GNL3: variants seen among roughly 807,000 people sequenced by gnomAD.
GNL3 encodes guanine nucleotide-binding protein-like 3.
A neutral mutation model predicts 70.6 loss-of-function variants in GNL3; 77 were observed. The observed-to-expected ratio is 1.09, with a 90% CI of 0.91 to 1.32. The LOEUF is 1.32. Ranked by LOEUF, GNL3 falls within the 40% of genes most tolerant of loss-of-function variation. The probability of loss-of-function intolerance (pLI) is 0.00; values close to 1 mark genes in which losing one functional copy is unlikely to be tolerated. For synonymous variants in GNL3, 252 were observed against 216.1 expected, an observed-to-expected ratio of 1.17 and a Z score of -1.46; for missense variants, 634 against 644.0, an observed-to-expected ratio of 0.98 and a Z score of 0.17.
chr3:52,688,372 AT>A (rs2097324249), intron 5 of GNL3, among the ~76,000 whole-genome samples, 180 bp downstream of exon 5: 1 of 152,276 alleles, frequency 6.6e-6, no homozygotes, highest in Non-Finnish European at 1.5e-5. Context: ...CTAGTACGAC[AT>A]TAGTTATCTT....
At chr3:52,691,301 AC>A in intron 8 of GNL3, 1 of 605,826 alleles carries the variant, frequency 1.7e-6, no homozygotes, top group Non-Finnish European at 2.9e-6. Context: ...GGGACTGATT[AC>A]TGTAGGAAGC....
chr3:52,687,761 A>C, intron 4 of GNL3, 146 bp downstream of exon 4: 1 of 620,390 alleles, frequency 1.6e-6, no homozygotes, highest in Admixed American at 2.9e-5. Flanking sequence ...GTCTCCAAGT[A>C]GCTGGGACTA....
intron 5 of GNL3, 43 bp downstream of exon 5, chr3:52,688,235 T>A: frequency 8.7e-7 from 1 of 1,145,910 alleles, no homozygotes; most frequent in Non-Finnish European, 1.3e-6. Flanking sequence ...TAATGAGGTT[T>A]AAAAGACTCA....
Position 52,693,794 on chromosome 3 carries a change from A to T in GNL3, c.1487A>T (p.Asp496Val). ...AAAGACAGTGACCAGGAAACTGTTG[A>T]TGAAGAAGTTGATGTAAGTGTGTCC... The part of the protein sequence containing the change: ...DDKDSDQETV[D>V]EEVDENSSGM... The change falls in exon 13 of 15, where the codon GAT (aspartate) becomes GTT (valine). Residue 496 changes from aspartate (D) to valine (V), a missense_variant. Transcript: ENST00000418458. 2 of 1,613,420 alleles carry T rather than the reference A, an allele frequency of 1.2e-6. No individual in the cohort carries two copies. The highest frequency in any genetic ancestry group is 1.7e-6 in the Non-Finnish European group (2 of 1,179,414).
In GNL3 at chr3:52,693,808, G is replaced by T. The variant is rs749937727; in HGVS notation, c.1500+1G>T. On this transcript the variant is annotated splice_donor_variant, in intron 13 of 14. Transcript: ENST00000418458. LOFTEE classifies it high-confidence loss of function. ...GGAAACTGTTGATGAAGAAGTTGAT[G>T]TAAGTGTGTCCTCCATGAGTTAAAA... 8 of 1,611,006 alleles carry T rather than the reference G, an allele frequency of 5.0e-6. No individual in the cohort carries two copies. The highest frequency in any genetic ancestry group is 3.3e-5 in the Admixed American group (2 of 60,006).
At position 52,693,169 on chromosome 3, in the gene GNL3, TTTGG is replaced by T; in HGVS notation, c.1045-15_1045-12del. The T allele has an allele frequency of 6.3e-7, 1 of 1,592,852 alleles. No individual in the cohort carries two copies. Among genetic ancestry groups the T allele is most frequent in the Non-Finnish European group, 8.5e-7 (1 of 1,173,640 alleles). ...TGTCAGATGAAGGACAGCTCCTTTG[TTTGG>T]TTTTTTTTTTAAGGTAGTACTGAAA... On this transcript the variant is annotated splice_polypyrimidine_tract_variant and intron_variant, in intron 10 of 14. Transcript: ENST00000418458.
rs1011030919 is a variant in GNL3 at position 52,686,519 on chromosome 3, A to T, written c.14-250A>T. On this transcript the variant is annotated intron_variant, in intron 1 of 14. Transcript: ENST00000418458. ...CGAAGTGGTTGTCGTTTTGTGTCTC[A>T]TACGCTGTTGTGTATGATCCCATTC... The T allele has an allele frequency of 6.9e-6, 4 of 578,792 alleles. No individual in the cohort carries two copies. In the Admixed American group the frequency reaches 1.3e-4, roughly 19 times the overall value. The allele number at this position is 578,792 out of a possible 1,614,324, so 35.9% of individuals were successfully genotyped here. A position where few individuals can be genotyped will look rare whatever the true frequency, so the allele number is the denominator to read the frequency against.
chr3:52,691,492 A>T (rs1279579684), intron 8 of GNL3, 50 bp from the exon 9 acceptor site: 2 of 1,075,358 alleles, frequency 1.9e-6, no homozygotes, highest in South Asian at 2.6e-5. Context: ...AAATTTCATA[A>T]GTGCCAACAT....
chr3:52,689,896 G>A (rs1048374220), intron 6 of GNL3, among the ~76,000 whole-genome samples: 11 of 152,154 alleles, frequency 7.2e-5, no homozygotes, highest in African/African-American at 2.7e-4. Flanking sequence ...AGGTTGCAGT[G>A]AGCCGATACT....
In GNL3 at chr3:52,686,776, G is replaced by C; in HGVS notation, c.21G>C (p.Lys7Asn). 1.9e-6 allele frequency: 3 copies of C among 1,611,552 alleles called. No individual in the cohort carries two copies. The highest frequency in any genetic ancestry group is 2.5e-6 in the Non-Finnish European group (3 of 1,177,692). MKRPKLKKASKRMTCHK... is the reference protein window; with the variant it reads MKRPKLNKASKRMTCHK... ...TGATGTGTTTCTTTGTAGAGTTAAA[G>C]AAAGCAAGTAAACGCATGACCTGCC... The change falls in exon 2 of 15, where the codon AAG (lysine) becomes AAC (asparagine). Residue 7 changes from lysine (K) to asparagine (N), a missense_variant. Transcript: ENST00000418458.
upstream of GNL3, chr3:52,685,959 G>A (rs573051535): frequency 3.9e-5 from 29 of 740,108 alleles, no homozygotes; most frequent in Non-Finnish European, 7.3e-5. Flanking sequence ...GACACTGCGT[G>A]CCCGCGCACG....
chr3:52,691,673 A>G (rs1578577687), intron 9 of GNL3, 44 bp downstream of exon 9: 3 of 988,862 alleles, frequency 3.0e-6, no homozygotes, highest in Middle Eastern at 2.2e-4. Flanking sequence ...GTGACACACT[A>G]TTTTATTTTG....
intron 6 of GNL3, 77 bp downstream of exon 6, chr3:52,689,283 C>T: frequency 7.7e-7 from 1 of 1,304,892 alleles, no homozygotes; most frequent in Non-Finnish European, 1.1e-6. Flanking sequence ...TCACTGAAGA[C>T]TGATTAGATC....
rs773965421 is a variant in GNL3 at position 52,693,425 on chromosome 3, A to G, written c.1205A>G (p.Tyr402Cys). 22 of 1,613,938 alleles carry G rather than the reference A, an allele frequency of 1.4e-5. No homozygotes were observed. The Admixed American group carries it at 2.7e-4, about 20-fold the overall frequency. ...SEWTGASLAY[Y>C]CHPPTSWTPP... is the part of the protein sequence containing the mutation. ...AATATCAGTGCCTCATTAGCTTACT[A>G]TTGCCATCCCCCTACATCTTGGACT... Residue 402 changes from tyrosine (Y) to cysteine (C), a missense_variant, in exon 12 of 15, where the codon TAT (tyrosine) becomes TGT (cysteine). By Grantham distance (194) the Tyr-to-Cys change is radical (BLOSUM62 -2). Transcript: ENST00000418458.
In GNL3 at chr3:52,689,373, A is replaced by G; in HGVS notation, c.541+167A>G. ...GGCAGTGGGGAGCCAGGTGACTTTTACAACTGACTCAACTGGTTTCTACTA... is the reference window on the plus strand; with the variant it reads ...GGCAGTGGGGAGCCAGGTGACTTTTGCAACTGACTCAACTGGTTTCTACTA... On this transcript the variant is annotated intron_variant, in intron 6 of 14. Coordinates refer to ENST00000418458, the MANE Select transcript of GNL3 (RefSeq NM_014366.5). The G allele has an allele frequency of 4.0e-6, 3 of 750,846 alleles. No homozygotes were observed. In the South Asian group the frequency reaches 4.1e-5, roughly 10 times the overall value. 46.5% of individuals were successfully genotyped at this position (750,846 alleles called of 1,614,324 possible).
intron 4 of GNL3, chr3:52,687,864 C>T (rs1180942289): frequency 3.4e-6 from 2 of 591,094 alleles, no homozygotes; most frequent in South Asian, 2.1e-5. Flanking sequence ...CCACCCAACT[C>T]AGCCTCCCGA....
Position 52,687,316 on chromosome 3 carries a change from C to G in GNL3, c.143C>G (p.Pro48Arg). Residue 48 changes from proline to arginine, a missense_variant, in exon 3 of 15, where the codon CCA (proline) becomes CGA (arginine). Pro to Arg is a moderately radical substitution (Grantham distance 103). Transcript: ENST00000418458. ...GGTCACAAGAAGCCTAGGAAAGACCCAGGAGTTCCAAACAGTGCTCCCTTT... is the reference window on the plus strand; with the variant it reads ...GGTCACAAGAAGCCTAGGAAAGACCGAGGAGTTCCAAACAGTGCTCCCTTT... ...KRGHKKPRKD[P>R]GVPNSAPFKE... 6.2e-7 allele frequency: 1 copy of G among 1,612,122 alleles called. No individual in the cohort carries two copies. Among genetic ancestry groups the G allele is most frequent in the South Asian group, 1.1e-5 (1 of 91,060 alleles).
intron 13 of GNL3, 37 bp downstream of exon 13, chr3:52,693,844 T>G: frequency 6.6e-7 from 1 of 1,517,212 alleles, no homozygotes; most frequent in South Asian, 1.1e-5. Context: ...CTGAAGTGAG[T>G]TTTCTAGCAT....
In GNL3 at chr3:52,691,570, T is replaced by C; in HGVS notation, c.810T>C (p.Ile270=). ...IGFPNVGKSS[I]INSLKQEQMC... is the part of the protein sequence containing the mutation. ...TCCCAAATGTGGGGAAAAGCAGCATTATCAATAGCTTAAAACAAGAACAGA... is the reference window on the plus strand; with the variant it reads ...TCCCAAATGTGGGGAAAAGCAGCATCATCAATAGCTTAAAACAAGAACAGA... Residue 270 remains isoleucine (I), a synonymous_variant, in exon 9 of 15, where the codon ATT becomes ATC. Coordinates refer to ENST00000418458, the MANE Select transcript of GNL3 (RefSeq NM_014366.5). 1.3e-6 allele frequency: 2 copies of C among 1,599,710 alleles called. No homozygotes were observed. The highest frequency in any genetic ancestry group is 1.7e-6 in the Non-Finnish European group (2 of 1,168,606).
Sources: allele counts gnomAD v4.1 joint callset (sites outside exome capture counted in the v4.1 genomes callset), GRCh38; gene constraint gnomAD v4.1.1; transcripts MANE v1.5; gene names NCBI Gene and HGNC (gene_info 2026-07-23, HGNC 2026-07-21).